Variants in OTOF observed in about 807,000 individuals in gnomAD.
The protein encoded by OTOF is otoferlin.
Under a neutral mutation model 236.8 loss-of-function variants are expected in OTOF, and 218 were observed. The observed-to-expected ratio is 0.92, with a 90% CI of 0.82 to 1.03. OTOF has a LOEUF of 1.03. Among genes scored for constraint, OTOF ranks in the 50% least tolerant of loss-of-function variants. The pLI is 0.00. For synonymous variants in OTOF, 1,041 were observed against 1,072.5 expected, an observed-to-expected ratio of 0.97 and a Z score of 0.57; for missense variants, 2,590 against 2,694.4, an observed-to-expected ratio of 0.96 and a Z score of 0.86.
chr2:26,554,191 G>A (rs1667532386), intron 1 of OTOF, among the ~76,000 whole-genome samples: 1 of 126,974 alleles, frequency 7.9e-6, no homozygotes, highest in Admixed American at 8.2e-5. Flanking sequence ...AAAAAAAATC[G>A]TTAGGCCCCT....
intron 3 of OTOF, among the ~76,000 whole-genome samples, chr2:26,523,152 C>T (rs1666718401): frequency 6.6e-6 from 1 of 152,260 alleles, no homozygotes; most frequent in African/African-American, 2.4e-5. Context: ...CCCTGGCATC[C>T]TTAGCAGGCA....
chr2:26,536,422 G>A (rs1312145076), intron 2 of OTOF, among the ~76,000 whole-genome samples: 2 of 152,170 alleles, frequency 1.3e-5, no homozygotes, highest in African/African-American at 2.4e-5. Flanking sequence ...CAGTGGGGAC[G>A]TACCAGGGAG....
At chr2:26,553,219 A>G (rs191490487) in intron 1 of OTOF, among the ~76,000 whole-genome samples, 2 of 152,112 alleles carry the variant, frequency 1.3e-5, no homozygotes, top group African/African-American at 4.8e-5. Context: ...TCCCTCTTCT[A>G]CTTCCTATAG....
At position 26,484,456 on chromosome 2, in the gene OTOF, G is replaced by A. The variant is rs1665651189; in HGVS notation, c.1205+18C>T. 2 of 1,613,706 alleles carry A rather than the reference G, an allele frequency of 1.2e-6. No homozygotes were observed. Among genetic ancestry groups the A allele is most frequent in the Non-Finnish European group, 1.7e-6 (2 of 1,179,872 alleles). ...AGGGCTGGCTCAGACTCCAGGGGCT[G>A]GGGTAGCTGGGCCTCACCCCTCAAT... On this transcript the variant is annotated intron_variant, in intron 12 of 46. Coordinates refer to ENST00000272371, the MANE Select transcript of OTOF (RefSeq NM_194248.3).
At chr2:26,498,999 A>G (rs1001660690) in intron 8 of OTOF, among the ~76,000 whole-genome samples, 1 of 152,136 alleles carries the variant, frequency 6.6e-6, no homozygotes, top group Non-Finnish European at 1.5e-5. Flanking sequence ...CATGCAGTTG[A>G]GGCTGGGGAC....
chr2:26,466,850 C>T lies in OTOF; in HGVS notation c.4364G>A (p.Gly1455Asp). 6.2e-7 allele frequency: 1 copy of T among 1,614,160 alleles called. No individual in the cohort carries two copies. Among genetic ancestry groups the T allele is most frequent in the Admixed American group, 1.7e-5 (1 of 60,018 alleles). Residue 1455 changes from glycine (G) to aspartate (D), a missense_variant and splice_region_variant, in exon 36 of 47, where the codon GGC becomes GAC. Gly to Asp is a moderately conservative substitution (Grantham distance 94, BLOSUM62 -1). Transcript: ENST00000272371. The part of the protein sequence containing the change: ...EEERIVGRFK[G>D]SLCVYKVPLP... ...TGGCACTTTGTACACGCAGAGGGAG[C>T]CCTGGGCAAGACAAATGTGGGTCAG... is the stretch of plus-strand genomic sequence containing the variant.
chr2:26,530,575 T>G (rs1354751788), intron 2 of OTOF, among the ~76,000 whole-genome samples: 2 of 152,154 alleles, frequency 1.3e-5, no homozygotes, highest in Non-Finnish European at 2.9e-5. Flanking sequence ...CCTTACAGTT[T>G]CCTTTCTTTC....
At position 26,483,519 on chromosome 2, in the gene OTOF, G is replaced by A. The variant is rs749521853; in HGVS notation, c.1335C>T (p.Ile445=). The A allele has an allele frequency of 3.4e-5, 55 of 1,613,870 alleles. 1 individual carries two copies. Among genetic ancestry groups the A allele is most frequent in the South Asian group, 4.4e-5 (4 of 91,092 alleles). Residue 445 remains isoleucine (I), a synonymous_variant, in exon 13 of 47, where the codon ATC becomes ATT. Transcript: ENST00000272371. Reference sequence around the variant, plus strand: ...GGTCCACGAGGTCCTTGTTTTCACCGATGAAAGCCTTCTTTACATTGGCCA... The same window carrying A: ...GGTCCACGAGGTCCTTGTTTTCACCAATGAAAGCCTTCTTTACATTGGCCA... The part of the protein sequence containing the change: ...SLMANVKKAF[I]GENKDLVDPY...
At chr2:26,524,317 G>C (rs1666749133) in intron 3 of OTOF, among the ~76,000 whole-genome samples, 1 of 152,202 alleles carries the variant, frequency 6.6e-6, no homozygotes, top group South Asian at 2.1e-4. Context: ...AGACCATCCT[G>C]GCCAACATGG....
chr2:26,480,711 T>G (rs1031535936), intron 15 of OTOF, 75 bp downstream of exon 15: 43 of 1,281,100 alleles, frequency 3.4e-5, no homozygotes, highest in Non-Finnish European at 4.4e-5. Context: ...AGGCAAAGCC[T>G]GGGACCCAGG....
In OTOF at chr2:26,477,061, G is replaced by GGC; in HGVS notation, c.2524-19_2524-18insGC. On this transcript the variant is annotated intron_variant, in intron 21 of 46. Transcript: ENST00000272371. The surrounding 1 kb of genome is among the most constrained non-coding windows in gnomAD (Gnocchi z 4.7). ...TGCTGGGGCTGGGGGTTGGGGGGTGGCCAGGGGCAGTGGGTAAGGGGGTCT... is the reference window on the plus strand; with the variant it reads ...TGCTGGGGCTGGGGGTTGGGGGGTGGGCCCAGGGGCAGTGGGTAAGGGGGTCT... The GGC allele has an allele frequency of 8.8e-6, 12 of 1,357,864 alleles. No homozygotes were observed. Among genetic ancestry groups the GGC allele is most frequent in the Non-Finnish European group, 1.2e-5 (12 of 969,794 alleles). The allele number at this position is 1,357,864 out of a possible 1,614,324, so 84.1% of individuals were successfully genotyped here.
intron 2 of OTOF, among the ~76,000 whole-genome samples, chr2:26,536,559 G>A (rs1238281601): frequency 6.6e-6 from 1 of 152,138 alleles, no homozygotes; most frequent in Non-Finnish European, 1.5e-5. Context: ...CTGGGTCGAT[G>A]GACACAGCCA....
chr2:26,541,170 A>C (rs1247345444), intron 1 of OTOF, among the ~76,000 whole-genome samples: 1 of 152,206 alleles, frequency 6.6e-6, no homozygotes, highest in Non-Finnish European at 1.5e-5. Flanking sequence ...GATTGGGAGA[A>C]GGTGGGGAGG....
intron 5 of OTOF, among the ~76,000 whole-genome samples, chr2:26,509,219 C>G (rs1666322526): frequency 6.6e-6 from 1 of 152,152 alleles, no homozygotes; most frequent in South Asian, 2.1e-4. Context: ...TTCATATGCC[C>G]TTTACATCTA....
At chr2:26,539,856 CA>C (rs1667168863) in intron 1 of OTOF, among the ~76,000 whole-genome samples, 1 of 152,182 alleles carries the variant, frequency 6.6e-6, no homozygotes, top group Admixed American at 6.5e-5. Flanking sequence ...ACAAACAAAA[CA>C]AAACAAAACA....
chr2:26,506,391 A>G (rs1395964195), intron 5 of OTOF, among the ~76,000 whole-genome samples: 2 of 152,232 alleles, frequency 1.3e-5, no homozygotes, highest in Non-Finnish European at 2.9e-5. Flanking sequence ...TGCTCCAGCC[A>G]CAGACTTCCC....
At chr2:26,539,369 T>TA (rs967441451) in intron 1 of OTOF, among the ~76,000 whole-genome samples, 5 of 151,882 alleles carry the variant, frequency 3.3e-5, no homozygotes, top group Non-Finnish European at 5.9e-5. Flanking sequence ...CTCCATTAAT[T>TA]AAAAAAAATA....
chr2:26,475,788 G>A (rs1291450837), intron 24 of OTOF, 126 bp downstream of exon 24: 22 of 1,266,108 alleles, frequency 1.7e-5, no homozygotes, highest in Non-Finnish European at 2.4e-5. Flanking sequence ...TGAGAAACCG[G>A]GGCACTGGCT....
At position 26,477,505 on chromosome 2, in the gene OTOF, G is replaced by A. The variant is rs80356569; in HGVS notation, c.2317C>T (p.Arg773Cys). Residue 773 changes from arginine (R) to cysteine (C), a missense_variant and splice_region_variant, in exon 20 of 47, where the codon CGC (arginine) becomes TGC (cysteine). Transcript: ENST00000272371. This position sits in a 1 kb window ranked among gnomAD's most constrained non-coding sequence, Gnocchi z 4.7. Reference sequence around the variant, plus strand: ...TCCTTGTCAGCGAGGGAGAGGAAGCGGCTGGGGGTAGGGCGAGCCGGGGTT... The same window carrying A: ...TCCTTGTCAGCGAGGGAGAGGAAGCAGCTGGGGGTAGGGCGAGCCGGGGTT... ...VLEELSCGCC[R>C]FLSLADKDQG... 22,609 of 1,602,582 alleles carry A rather than the reference G, an allele frequency of 0.014. 257 individuals carry two copies. Among genetic ancestry groups the A allele is most frequent in the Middle Eastern group, 0.054 (326 of 6,034 alleles).
Sources: gnomAD v4.1 joint callset for allele counts (sites outside exome capture counted in the v4.1 genomes callset) on GRCh38, gnomAD v4.1.1 for gene constraint, Gnocchi (gnomAD v3.1) non-coding constraint, MANE v1.5 for transcripts, NCBI Gene and HGNC (gene_info 2026-07-23, HGNC 2026-07-21) for gene names.